The following TEAD3 variants were observed in gnomAD, a reference collection of about 807,000 sequenced individuals.
The protein encoded by TEAD3 is transcriptional enhancer factor TEF-5.
A neutral mutation model predicts 55.6 loss-of-function variants in TEAD3; 15 were observed. The observed-to-expected ratio is 0.27, with a 90% CI of 0.18 to 0.42. The LOEUF is 0.42. Ranked by LOEUF, TEAD3 falls within the 10% of genes least tolerant of loss-of-function variation. The pLI is 1.00. For synonymous variants in TEAD3, 210 were observed against 232.2 expected, an observed-to-expected ratio of 0.90 and a Z score of 0.87; for missense variants, 407 against 576.8, an observed-to-expected ratio of 0.71 and a Z score of 3.01.
At chr6:35,474,767 A>G, downstream of TEAD3, 1 of 402,178 alleles carries the variant, frequency 2.5e-6, no homozygotes, top group Non-Finnish European at 4.5e-6. Flanking sequence ...CACCTCTCTG[A>G]GGTCACGCGA....
chr6:35,476,143 C>A, intron 9 of TEAD3, 51 bp from the exon 10 acceptor site: 1 of 1,534,622 alleles, frequency 6.5e-7, no homozygotes, highest in Non-Finnish European at 8.8e-7. Context: ...CTTGCAGGCC[C>A]GGGGGCGGGG....
At chr6:35,473,881 C>T (rs1561802095), downstream of TEAD3, 1 of 152,476 alleles carries the variant, frequency 6.6e-6, no homozygotes, top group African/African-American at 2.4e-5. Context: ...ATATGAAACT[C>T]ATAAATACCC....
chr6:35,496,729 T>C lies in TEAD3; in HGVS notation c.-50+169A>G, dbSNP rs1768671530. Reference sequence around the variant, plus strand: ...GGGGCGGGGCTTCCCGGAGAGATTTTCCCCCTTCCCTCTAAACTTCCCGGC... The same window carrying C: ...GGGGCGGGGCTTCCCGGAGAGATTTCCCCCCTTCCCTCTAAACTTCCCGGC... On this transcript the variant is annotated intron_variant, in intron 1 of 12. Transcript: ENST00000639578. This position sits in a 1 kb window ranked among gnomAD's most constrained non-coding sequence, Gnocchi z 4.8. Among the ~76,000 whole-genome samples the C allele has an allele frequency of 6.6e-6, 1 of 151,130 alleles. No homozygotes were observed. Among genetic ancestry groups the C allele is most frequent in the Non-Finnish European group, 1.5e-5 (1 of 67,694 alleles).
chr6:35,479,416 G>A, intron 4 of TEAD3, 100 bp from the exon 5 acceptor site: 1 of 1,481,878 alleles, frequency 6.7e-7, no homozygotes, highest in Non-Finnish European at 9.4e-7. Context: ...GTGCCCATGG[G>A]TTTTAGCTTC....
chr6:35,490,715 C>A lies in TEAD3; in HGVS notation c.-49-4004G>T, dbSNP rs1318609767. On this transcript the variant is annotated intron_variant, in intron 1 of 12. Transcript: ENST00000639578. Reference sequence around the variant, plus strand: ...GTTCTCCTAGAGACCAGCATGTGCCCGCCTTCTTCTCCCTAGATCCTCTAA... The same window carrying A: ...GTTCTCCTAGAGACCAGCATGTGCCAGCCTTCTTCTCCCTAGATCCTCTAA... Among the ~76,000 whole-genome samples the A allele has an allele frequency of 3.3e-5, 5 of 152,280 alleles. No homozygotes were observed. The South Asian group carries it at 1.0e-3, about 32-fold the overall frequency.
Position 35,483,021 on chromosome 6 carries a change from G to A in TEAD3, c.267+1539C>T, listed in dbSNP as rs981463916. 3.9e-5 allele frequency among the ~76,000 whole-genome samples: 6 copies of A among 152,164 alleles called. No homozygotes were observed. Among genetic ancestry groups the A allele is most frequent in the African/African-American group, 1.4e-4 (6 of 41,432 alleles). ...ATGGCTGAGGATGCAAGGCTGGGAG[G>A]CCAACTACTGCCCACTCCCAGGTAG... On this transcript the variant is annotated intron_variant, in intron 3 of 12. Transcript: ENST00000639578. The surrounding 1 kb of genome is among the most constrained non-coding windows in gnomAD (Gnocchi z 4.5).
At chr6:35,489,581 G>A (rs1443641743) in intron 1 of TEAD3, among the ~76,000 whole-genome samples, 1 of 152,142 alleles carries the variant, frequency 6.6e-6, no homozygotes, top group Non-Finnish European at 1.5e-5. Flanking sequence ...CATGGCCAGT[G>A]GGCGGCCAGA....
rs1768364997 is a variant in TEAD3 at position 35,485,849 on chromosome 6, G to A, written c.202+612C>T. ...AATAGGGGAGCTGGCCAGGAACCAGGCCCAGAAGGGTCGAGTTATCCCAAA... is the reference window on the plus strand; with the variant it reads ...AATAGGGGAGCTGGCCAGGAACCAGACCCAGAAGGGTCGAGTTATCCCAAA... On this transcript the variant is annotated intron_variant, in intron 2 of 12. Coordinates refer to ENST00000639578, the Ensembl canonical transcript of TEAD3. The surrounding 1 kb of genome is among the most constrained non-coding windows in gnomAD (Gnocchi z 4.3). 6.6e-6 allele frequency among the ~76,000 whole-genome samples: 1 copy of A among 152,176 alleles called. No individual in the cohort carries two copies. Among genetic ancestry groups the A allele is most frequent in the African/African-American group, 2.4e-5 (1 of 41,448 alleles).
At position 35,475,147 on chromosome 6, in the gene TEAD3, C is replaced by G; in HGVS notation, c.1205G>C (p.Ser402Thr). 6.3e-7 allele frequency: 1 copy of G among 1,580,806 alleles called. No homozygotes were observed. Among genetic ancestry groups the G allele is most frequent in the Non-Finnish European group, 8.6e-7 (1 of 1,162,988 alleles). ...AAGCAGGGTCTCCTGGGAGTCCCGG[C>G]TCGTGACCACCTGGGGGGTGAGCAG... The change falls in exon 13 of 13, where the codon AGC becomes ACC. Residue 402 changes from serine (S) to threonine (T), a missense_variant. By Grantham distance (58) the Ser-to-Thr change is moderately conservative (BLOSUM62 1). Coordinates refer to ENST00000639578, the Ensembl canonical transcript of TEAD3. The surrounding 1 kb of genome is among the most constrained non-coding windows in gnomAD (Gnocchi z 5.4).
rs1768333390 is a variant in TEAD3 at position 35,484,552 on chromosome 6, C to T, written c.267+8G>A. ...GGGTGGCAGGCCCAGCATAAACCGT[C>T]TCTCTACCTGTTTTCTCGTCCGAGT... is the stretch of plus-strand genomic sequence containing the variant. On this transcript the variant is annotated splice_region_variant and intron_variant, in intron 3 of 12. Transcript: ENST00000639578. The surrounding 1 kb of genome is among the most constrained non-coding windows in gnomAD (Gnocchi z 5.8). The T allele has an allele frequency of 6.3e-7, 1 of 1,599,834 alleles. No individual in the cohort carries two copies. Among genetic ancestry groups the T allele is most frequent in the African/African-American group, 1.3e-5 (1 of 74,660 alleles).
Position 35,475,681 on chromosome 6 carries a change from T to G in TEAD3, c.926A>C (p.Glu309Ala). 1.2e-6 allele frequency: 2 copies of G among 1,609,846 alleles called. No homozygotes were observed. Among genetic ancestry groups the G allele is most frequent in the Non-Finnish European group, 1.7e-6 (2 of 1,177,572 alleles). ...GACCCCATAGAAGGCTCCCGGGCCC[T>G]CCTGGATGGTGCTGTTGAGGTCGGC... is the stretch of plus-strand genomic sequence containing the variant. The change falls in exon 11 of 13, where the codon GAG becomes GCG. Residue 309 changes from glutamate to alanine, a missense_variant. By Grantham distance (107) the Glu-to-Ala change is moderately radical (BLOSUM62 -1). Coordinates refer to ENST00000639578, the Ensembl canonical transcript of TEAD3. This position sits in a 1 kb window ranked among gnomAD's most constrained non-coding sequence, Gnocchi z 5.4.
intron 1 of TEAD3, among the ~76,000 whole-genome samples, chr6:35,490,661 C>T (rs1177809259): frequency 1.3e-5 from 2 of 152,204 alleles, no homozygotes; most frequent in Non-Finnish European, 2.9e-5. Flanking sequence ...GGAAGGGAGT[C>T]TGCAGGAGGC....
At position 35,483,072 on chromosome 6, in the gene TEAD3, C is replaced by T. The variant is rs1768295131; in HGVS notation, c.267+1488G>A. Among the ~76,000 whole-genome samples, 1 of 152,190 alleles carries T rather than the reference C, an allele frequency of 6.6e-6. No individual in the cohort carries two copies. Among genetic ancestry groups the T allele is most frequent in the Admixed American group, 6.5e-5 (1 of 15,288 alleles). On this transcript the variant is annotated intron_variant, in intron 3 of 12. Coordinates refer to ENST00000639578, the Ensembl canonical transcript of TEAD3. This position sits in a 1 kb window ranked among gnomAD's most constrained non-coding sequence, Gnocchi z 4.5. ...AACCAGTATTTGAACCCAAGGGCTCCAGGGGACAGGGCTCTGGCGCACGCC... is the reference window on the plus strand; with the variant it reads ...AACCAGTATTTGAACCCAAGGGCTCTAGGGGACAGGGCTCTGGCGCACGCC...
intron 8 of TEAD3, 47 bp from the exon 9 acceptor site, chr6:35,476,482 C>T: frequency 6.2e-7 from 1 of 1,600,996 alleles, no homozygotes. Context: ...CATGCAGGTG[C>T]TTACTGACAA....
rs183906485 is a variant in TEAD3, at chr6:35,490,603, C to G, written c.-49-3892G>C. 1.2e-3 allele frequency among the ~76,000 whole-genome samples: 183 copies of G among 152,268 alleles called. 1 individual carries two copies. The highest frequency in any genetic ancestry group is 4.3e-3 in the African/African-American group (179 of 41,562). On this transcript the variant is annotated intron_variant, in intron 1 of 12. Transcript: ENST00000639578. ...AAGCTGAGGCACACACATGGGCAGT[C>G]GTGGGCAGGCAGCTGCCCCCGTCTG...
chr6:35,495,010 G>A (rs1481028460), intron 1 of TEAD3, among the ~76,000 whole-genome samples: 2 of 152,136 alleles, frequency 1.3e-5, no homozygotes, highest in African/African-American at 4.8e-5. Context: ...GTTCCATCAT[G>A]GGAGAAGGAA....
chr6:35,475,315 C>T lies in TEAD3; in HGVS notation c.1194+21G>A, dbSNP rs756642443. 30 of 1,610,462 alleles carry T rather than the reference C, an allele frequency of 1.9e-5. No individual in the cohort carries two copies. Among genetic ancestry groups the T allele is most frequent in the African/African-American group, 8.0e-5 (6 of 74,886 alleles). ...AGGCCCTGGCCTGTGGGACTCCCCA[C>T]GACCCCTGCTGCCCCCATACCTGCA... On this transcript the variant is annotated intron_variant, in intron 12 of 12. Transcript: ENST00000639578. The surrounding 1 kb of genome is among the most constrained non-coding windows in gnomAD (Gnocchi z 5.4).
At chr6:35,474,213 TG>T (rs1768094282), downstream of TEAD3, 1 of 147,384 alleles carries the variant, frequency 6.8e-6, no homozygotes, top group South Asian at 2.1e-4. Flanking sequence ...CTGGGGCCCC[TG>T]GCTGGCTTGT....
Position 35,475,595 on chromosome 6 carries a change from A to G in TEAD3, c.1012T>C (p.Phe338Leu). 1 of 1,612,690 alleles carries G rather than the reference A, an allele frequency of 6.2e-7. No individual in the cohort carries two copies. The highest frequency in any genetic ancestry group is 8.5e-7 in the Non-Finnish European group (1 of 1,179,030). ...ACCTTCTCTACCACCTGTTTGCCAA[A>G]GGAGCACACCTTGGTGGAGACGCTG... Residue 338 changes from phenylalanine to leucine, a missense_variant, in exon 11 of 13, where the codon TTT becomes CTT. By Grantham distance (22) the Phe-to-Leu change is conservative. Transcript: ENST00000639578. The surrounding 1 kb of genome is among the most constrained non-coding windows in gnomAD (Gnocchi z 5.4).
Sources: allele counts gnomAD v4.1 joint callset (sites outside exome capture counted in the v4.1 genomes callset), GRCh38; gene constraint gnomAD v4.1.1; non-coding constraint Gnocchi (gnomAD v3.1); transcripts MANE v1.5; gene names NCBI Gene and HGNC (gene_info 2026-07-23, HGNC 2026-07-21).